Variants in LPIN1 observed in about 807,000 individuals in gnomAD.
LPIN1 encodes the protein phosphatidate phosphatase LPIN1.
Under a neutral mutation model 107.5 loss-of-function variants are expected in LPIN1, and 71 were observed. The observed-to-expected ratio is 0.66, with a 90% CI of 0.55 to 0.80. The LOEUF (loss-of-function observed/expected upper bound fraction) is 0.80, where lower values mean the gene tolerates loss of function less well. Ranked by LOEUF, LPIN1 falls within the 30% of genes least tolerant of loss-of-function variation. LPIN1 has a pLI of 0.00. For missense variants in LPIN1, 1,043 were observed against 1,160.6 expected, an observed-to-expected ratio of 0.90 and a Z score of 1.47; for synonymous variants, 445 against 452.6, an observed-to-expected ratio of 0.98 and a Z score of 0.21.
chr2:11,739,878 A>ATG (rs1447070152), intron 1 of LPIN1, among the ~76,000 whole-genome samples: 2 of 152,268 alleles, frequency 1.3e-5, no homozygotes, highest in African/African-American at 4.8e-5. Context: ...ATGACATTCA[A>ATG]TGTAAACCCT....
intron 1 of LPIN1, chr2:11,677,837 G>T (rs1016277211): frequency 5.2e-6 from 5 of 967,332 alleles, no homozygotes; most frequent in Middle Eastern, 2.1e-4. Flanking sequence ...CGCCCAGAGC[G>T]CCTTGTTCGG....
intron 1 of LPIN1, among the ~76,000 whole-genome samples, chr2:11,702,303 G>A (rs929483302): frequency 6.6e-6 from 1 of 152,200 alleles, no homozygotes; most frequent in Admixed American, 6.5e-5. Context: ...GGGTTCCGGA[G>A]TACACAGGCT....
chr2:11,719,791 C>CTTTTTTTTTTT (rs67142448), upstream of LPIN1, among the ~76,000 whole-genome samples: 1 of 132,808 alleles, frequency 7.5e-6, no homozygotes. Flanking sequence ...CCAATTGCTT[C>CTTTTTTTTTTT]TTTTTTTTTT....
Position 11,765,713 on chromosome 2 carries a change from C to T in LPIN1, c.172C>T (p.Leu58=). The stretch of plus-strand genomic sequence containing the variant: ...CGTCCGCTTTGGGAAGATGGGGGTC[C>T]TGCGCTCCCGAGAGAAAGTGGTGAG... The part of the protein sequence containing the change: ...FHVRFGKMGV[L]RSREKVVDIE... The change falls in exon 2 of 21, where the codon CTG becomes TTG. Residue 58 remains leucine (L), a synonymous_variant. Coordinates refer to ENST00000674199, the MANE Select transcript of LPIN1 (RefSeq NM_001349206.2). This position sits in a 1 kb window ranked among gnomAD's most constrained non-coding sequence, Gnocchi z 4.4. 1 of 1,611,220 alleles carries T rather than the reference C, an allele frequency of 6.2e-7. No individual in the cohort carries two copies. The highest frequency in any genetic ancestry group is 8.5e-7 in the Non-Finnish European group (1 of 1,177,692).
intron 1 of LPIN1, among the ~76,000 whole-genome samples, chr2:11,681,252 C>A (rs1170073685): frequency 6.6e-6 from 1 of 152,186 alleles, no homozygotes; most frequent in East Asian, 1.9e-4. Context: ...CCCACCTCTC[C>A]GCCTGATATG....
intron 1 of LPIN1, among the ~76,000 whole-genome samples, chr2:11,686,690 G>T (rs143284867): frequency 3.9e-5 from 6 of 152,298 alleles, no homozygotes; most frequent in African/African-American, 1.2e-4. Context: ...GATGCCTGTG[G>T]CTGTGTTCCG....
chr2:11,808,153 C>T (rs1679034854), intron 17 of LPIN1, among the ~76,000 whole-genome samples: 3 of 152,216 alleles, frequency 2.0e-5, no homozygotes, highest in Admixed American at 2.0e-4. Context: ...GGTCTCTTCC[C>T]CGTCCCCGGA....
chr2:11,791,644 T>TTTGTTG, intron 12 of LPIN1: 1 of 1,285,952 alleles, frequency 7.8e-7, no homozygotes, highest in Non-Finnish European at 1.0e-6. Context: ...GCTTTCTTTT[T>TTTGTTG]TTGTTGTTGT....
In LPIN1 at chr2:11,788,474, A is replaced by G. The variant is rs1262720196; in HGVS notation, c.1713+18A>G. ...TGCCAAAGGTGAGCTTTAACATGAG[A>G]AAGAAAAGGGGATGCTAGAAATGAT... On this transcript the variant is annotated intron_variant, in intron 12 of 20. Coordinates refer to ENST00000674199, the MANE Select transcript of LPIN1 (RefSeq NM_001349206.2). The G allele has an allele frequency of 1.9e-6, 3 of 1,595,436 alleles. No individual in the cohort carries two copies. The highest frequency in any genetic ancestry group is 2.6e-6 in the Non-Finnish European group (3 of 1,163,128).
intron 1 of LPIN1, among the ~76,000 whole-genome samples, chr2:11,730,292 C>T (rs1048637115): frequency 6.6e-6 from 1 of 152,164 alleles, no homozygotes; most frequent in African/African-American, 2.4e-5. Context: ...CGTTGCTCAC[C>T]TTTGTTAGGA....
chr2:11,721,444 C>T (rs1312035174), upstream of LPIN1, among the ~76,000 whole-genome samples: 1 of 152,002 alleles, frequency 6.6e-6, no homozygotes, highest in South Asian at 2.1e-4. Context: ...GGACCGAGTT[C>T]CCCAGGTGAC....
chr2:11,771,635 C>A lies in LPIN1; in HGVS notation c.552C>A (p.Ile184=). The A allele has an allele frequency of 6.2e-7, 1 of 1,603,892 alleles. No individual in the cohort carries two copies. Among genetic ancestry groups the A allele is most frequent in the Non-Finnish European group, 8.5e-7 (1 of 1,175,126 alleles). Residue 184 remains isoleucine, a synonymous_variant, in exon 4 of 21, where the codon ATC becomes ATA. Transcript: ENST00000674199. This position sits in a 1 kb window ranked among gnomAD's most constrained non-coding sequence, Gnocchi z 4.8. ...CTGAGGATGAGGACATGTTCCCCAT[C>A]GAGATGAGCTCGGATGAGGCCATGG... ...NTSEDEDMFP[I]EMSSDEAMEL...
intron 1 of LPIN1, among the ~76,000 whole-genome samples, chr2:11,726,301 A>G (rs1664645826): frequency 6.6e-6 from 1 of 152,188 alleles, no homozygotes. Context: ...TTAGGCTGCC[A>G]TCTGAGGCCA....
intron 1 of LPIN1, among the ~76,000 whole-genome samples, chr2:11,733,442 A>G (rs934711657): frequency 6.6e-5 from 10 of 151,968 alleles, no homozygotes; most frequent in Non-Finnish European, 1.2e-4. Flanking sequence ...CTATACACAC[A>G]TAATAATTGT....
chr2:11,798,834 A>G (rs574802549), intron 14 of LPIN1, among the ~76,000 whole-genome samples: 1 of 152,272 alleles, frequency 6.6e-6, no homozygotes, highest in Non-Finnish European at 1.5e-5. Context: ...TTGACAGAAT[A>G]GTCCCCGAAG....
At chr2:11,755,570 C>G (rs185651831) in intron 1 of LPIN1, among the ~76,000 whole-genome samples, 59 of 151,902 alleles carry the variant, frequency 3.9e-4, no homozygotes, top group Non-Finnish European at 6.5e-4. Context: ...GGCTGGAGGG[C>G]TGAGGAGAAG....
chr2:11,724,643 G>T, intron 1 of LPIN1: 3 of 985,462 alleles, frequency 3.0e-6, no homozygotes, highest in Non-Finnish European at 3.6e-6. Context: ...GAAAGCTAAG[G>T]TAAAGGGCAG....
At chr2:11,699,689 G>T (rs1362497961) in intron 1 of LPIN1, among the ~76,000 whole-genome samples, 1 of 152,150 alleles carries the variant, frequency 6.6e-6, no homozygotes, top group Non-Finnish European at 1.5e-5. Flanking sequence ...CGGACGAAGG[G>T]TCACTGAGTG....
intron 20 of LPIN1, 60 bp from the exon 21 acceptor site, chr2:11,824,572 C>T: frequency 6.3e-6 from 10 of 1,576,206 alleles, no homozygotes; most frequent in Non-Finnish European, 8.7e-6. Context: ...CTTCTACGTG[C>T]AGCCCTGGGT....
Sources: allele counts gnomAD v4.1 joint callset (sites outside exome capture counted in the v4.1 genomes callset), GRCh38; gene constraint gnomAD v4.1.1; non-coding constraint Gnocchi (gnomAD v3.1); transcripts MANE v1.5; gene names NCBI Gene and HGNC (gene_info 2026-07-23, HGNC 2026-07-21).